IMMP2L: variants seen among roughly 807,000 people sequenced by gnomAD.
The protein encoded by IMMP2L is inner mitochondrial membrane peptidase subunit 2.
A neutral mutation model predicts 19.3 loss-of-function variants in IMMP2L; 18 were observed. The observed-to-expected ratio is 0.93, with a 90% CI of 0.64 to 1.38. The LOEUF (loss-of-function observed/expected upper bound fraction) is 1.38. Ranked by LOEUF, IMMP2L falls within the 40% of genes most tolerant of loss-of-function variation. IMMP2L has a pLI of 0.00. For synonymous variants in IMMP2L, 76 were observed against 73.0 expected (o/e 1.04, Z -0.21); for missense variants, 233 against 218.2 (o/e 1.07, Z -0.43).
At chr7:111,133,271 G>T (rs528342620) in intron 3 of IMMP2L, among the ~76,000 whole-genome samples, 1 of 152,104 alleles carries the variant, frequency 6.6e-6, no homozygotes, top group East Asian at 1.9e-4. Flanking sequence ...GCAATTCAGG[G>T]AAACAAAAGT....
chr7:111,369,423 G>A (rs1182170951), intron 3 of IMMP2L, among the ~76,000 whole-genome samples: 2 of 151,764 alleles, frequency 1.3e-5, no homozygotes, highest in Non-Finnish European at 2.9e-5. Context: ...ATTCATAATA[G>A]TACTAGGATT....
At chr7:110,996,088 A>C (rs983803310) in intron 3 of IMMP2L, among the ~76,000 whole-genome samples, 12 of 152,106 alleles carry the variant, frequency 7.9e-5, no homozygotes, top group African/African-American at 2.9e-4. Context: ...AGTTTATTCT[A>C]CTACAAAATT....
chr7:111,512,969 G>C (rs1845582135), intron 2 of IMMP2L, among the ~76,000 whole-genome samples: 1 of 151,994 alleles, frequency 6.6e-6, no homozygotes, highest in South Asian at 2.1e-4. Context: ...GATTTTTAAA[G>C]ATGATGCCTG....
chr7:110,814,289 CTGGGGCCTACT>C (rs1802280477), intron 5 of IMMP2L, among the ~76,000 whole-genome samples: 1 of 151,782 alleles, frequency 6.6e-6, no homozygotes, highest in Non-Finnish European at 1.5e-5. Context: ...AAATCATTAA[CTGGGGCCTACT>C]TGAGGTTATC....
chr7:111,328,385 A>C (rs1392146814), intron 3 of IMMP2L, among the ~76,000 whole-genome samples: 1 of 151,848 alleles, frequency 6.6e-6, no homozygotes, highest in Non-Finnish European at 1.5e-5. Context: ...AATGATACTT[A>C]GAAATGCATT....
chr7:110,712,746 A>G (rs1208404279), intron 5 of IMMP2L, among the ~76,000 whole-genome samples: 2 of 98,330 alleles, frequency 2.0e-5, no homozygotes, highest in African/African-American at 8.0e-5. Flanking sequence ...GAAAAGCGCA[A>G]TATTCGGGTG....
chr7:111,384,174 G>GAGGAGA (rs1239774203), intron 3 of IMMP2L, among the ~76,000 whole-genome samples: 1 of 151,640 alleles, frequency 6.6e-6, no homozygotes, highest in African/African-American at 2.4e-5. Context: ...GAGGAGAAAG[G>GAGGAGA]AGGAGAAGGA....
chr7:111,124,012 G>C, intron 3 of IMMP2L: 2 of 1,614,094 alleles, frequency 1.2e-6, no homozygotes, highest in Non-Finnish European at 1.7e-6. Context: ...GCATTTCAGG[G>C]ACATGATGGA....
intron 4 of IMMP2L, among the ~76,000 whole-genome samples, chr7:110,937,175 C>A (rs1554466482): frequency 6.6e-6 from 1 of 152,198 alleles, no homozygotes; most frequent in Non-Finnish European, 1.5e-5. Flanking sequence ...ATGTTCTGCA[C>A]ACGTATCCTA....
chr7:111,358,374 T>C (rs1246101774), intron 3 of IMMP2L, among the ~76,000 whole-genome samples: 1 of 151,746 alleles, frequency 6.6e-6, no homozygotes, highest in Admixed American at 6.6e-5. Context: ...ATGTATTATA[T>C]AGAATCTTCA....
At position 110,680,574 on chromosome 7, in the gene IMMP2L, T is replaced by A. The variant is rs74921976; in HGVS notation, c.409-16853A>T. Among the ~76,000 whole-genome samples, 30 of 152,248 alleles carry A rather than the reference T, an allele frequency of 2.0e-4. No individual in the cohort carries two copies. In the East Asian group the frequency reaches 5.8e-3, roughly 29 times the overall value. On this transcript the variant is annotated intron_variant, in intron 5 of 5. Coordinates refer to ENST00000405709, the MANE Select transcript of IMMP2L (RefSeq NM_032549.4). ...TAGCATGTGCTTGAAGTTTTAAATG[T>A]GCACATGGTGAAGGAAGATTTACCT... is the stretch of plus-strand genomic sequence containing the variant.
At chr7:110,951,465 G>A (rs1265090894) in intron 4 of IMMP2L, among the ~76,000 whole-genome samples, 1 of 149,270 alleles carries the variant, frequency 6.7e-6, no homozygotes, top group African/African-American at 2.5e-5. Flanking sequence ...GAAGCCAAAC[G>A]GAAAATTAGT....
rs1054911964 is a variant in IMMP2L, at chr7:111,547,539, G to T, written c.-3+14312C>A. Among the ~76,000 whole-genome samples the T allele has an allele frequency of 3.0e-3, 416 of 136,890 alleles. 1 individual carries two copies. The highest frequency in any genetic ancestry group is 5.2e-3 in the Non-Finnish European group (330 of 63,438). The allele number at this position is 136,890 out of a possible 152,430, so 89.8% of individuals were successfully genotyped here. A position where few individuals can be genotyped will look rare whatever the true frequency, so the allele number is the denominator to read the frequency against. On this transcript the variant is annotated intron_variant, in intron 1 of 5. Transcript: ENST00000405709. ...CCCTTTTTATCCTGCTTTTTTGCTT[G>T]TTTTTTTTTAATTTTTTATTTATTT...
chr7:111,283,114 A>G (rs935110178), intron 3 of IMMP2L, among the ~76,000 whole-genome samples: 3 of 152,194 alleles, frequency 2.0e-5, no homozygotes, highest in African/African-American at 7.2e-5. Flanking sequence ...TAAAAATAAT[A>G]TATGTTCTCT....
intron 3 of IMMP2L, among the ~76,000 whole-genome samples, chr7:111,347,938 A>G (rs1342951054): frequency 6.6e-6 from 1 of 151,820 alleles, no homozygotes; most frequent in Non-Finnish European, 1.5e-5. Context: ...CATATACACC[A>G]TGGAATACTA....
intron 3 of IMMP2L, among the ~76,000 whole-genome samples, chr7:111,394,717 A>T (rs1022881751): frequency 6.6e-6 from 1 of 152,098 alleles, no homozygotes; most frequent in Admixed American, 6.6e-5. Flanking sequence ...CAAATCAAAA[A>T]CCTAGGAATC....
chr7:111,342,510 T>G (rs987369506), intron 3 of IMMP2L, among the ~76,000 whole-genome samples: 1 of 151,970 alleles, frequency 6.6e-6, no homozygotes. Flanking sequence ...GAGAATCCCT[T>G]GAACCAGGGA....
At chr7:111,298,382 T>A (rs1360595469) in intron 3 of IMMP2L, among the ~76,000 whole-genome samples, 1 of 152,110 alleles carries the variant, frequency 6.6e-6, no homozygotes, top group African/African-American at 2.4e-5. Context: ...ATCCGATAAA[T>A]TAATGTTGCT....
intron 4 of IMMP2L, among the ~76,000 whole-genome samples, chr7:110,909,409 C>A (rs1378930121): frequency 6.6e-6 from 1 of 152,060 alleles, no homozygotes; most frequent in Non-Finnish European, 1.5e-5. Flanking sequence ...AAATAAATAC[C>A]TTATAAGCCA....
Sources: gnomAD v4.1 joint callset for allele counts (sites outside exome capture counted in the v4.1 genomes callset) on GRCh38, gnomAD v4.1.1 for gene constraint, MANE v1.5 for transcripts, NCBI Gene and HGNC (gene_info 2026-07-23, HGNC 2026-07-21) for gene names.